HOXC5: variants seen among roughly 807,000 people sequenced by gnomAD.
The protein encoded by HOXC5 is homeobox protein Hox-C5.
HOXC5 carries 19 observed loss-of-function variants against 20.1 expected under a neutral mutation model. The ratio of observed to expected loss-of-function variants is 0.94; its 90% confidence interval spans 0.66 to 1.38. HOXC5 has a LOEUF of 1.38. Ranked by LOEUF, HOXC5 falls within the 40% of genes most tolerant of loss-of-function variation. HOXC5 has a pLI of 0.00. For synonymous variants in HOXC5, 124 were observed against 117.0 expected (o/e 1.06, Z -0.39); for missense variants, 330 against 300.1 (o/e 1.10, Z -0.74).
chr12:54,028,262 TATATA>T (rs1329695523), upstream of HOXC5: 474 of 73,504 alleles, frequency 6.4e-3, 5 homozygotes, highest in African/African-American at 0.019. Context: ...TATATATATA[TATATA>T]TTTTTTAAAA....
At chr12:54,030,845 G>C (rs190134994), upstream of HOXC5, 1 of 152,162 alleles carries the variant, frequency 6.6e-6, no homozygotes, top group Non-Finnish European at 1.5e-5. Flanking sequence ...CTGTTAATTC[G>C]CTCGCCCGCC....
At chr12:54,033,882 G>T in intron 1 of HOXC5, 1 of 490,394 alleles carries the variant, frequency 2.0e-6, no homozygotes, top group Non-Finnish European at 3.8e-6. Flanking sequence ...ATCCCCCCGC[G>T]GCTCCCTCCC....
At chr12:54,028,393 G>A, upstream of HOXC5, 1 of 1,038,198 alleles carries the variant, frequency 9.6e-7, no homozygotes, top group Non-Finnish European at 1.4e-6. Context: ...CTGGGAGGGG[G>A]TCAGCTGACT....
chr12:54,031,047 C>G (rs1313916855), upstream of HOXC5, among the ~76,000 whole-genome samples: 1 of 152,268 alleles, frequency 6.6e-6, no homozygotes, highest in South Asian at 2.1e-4. Flanking sequence ...CACACACACC[C>G]TGCGGGAAAA....
upstream of HOXC5, among the ~76,000 whole-genome samples, chr12:54,032,609 T>G (rs1187630801): frequency 6.6e-6 from 1 of 152,176 alleles, no homozygotes; most frequent in Non-Finnish European, 1.5e-5. Flanking sequence ...GGGCCTCGTC[T>G]TTTCCCAATT....
At position 54,033,478 on chromosome 12, in the gene HOXC5, A is replaced by G; in HGVS notation, c.356A>G (p.Lys119Arg). The change falls in exon 1 of 2, where the codon AAA becomes AGA. Residue 119 changes from lysine (K) to arginine (R), a missense_variant. Coordinates refer to ENST00000312492, the MANE Select transcript of HOXC5 (RefSeq NM_018953.4). ...EERAKSSGEIKEEQAQTGQPA... is the reference protein window; with the variant it reads ...EERAKSSGEIREEQAQTGQPA... The stretch of plus-strand genomic sequence containing the variant: ...CGAGCTAAGAGCAGTGGGGAGATCA[A>G]AGAGGAGCAGGCGCAGACAGGGCAG... 1 of 1,596,198 alleles carries G rather than the reference A, an allele frequency of 6.3e-7. No homozygotes were observed. The highest frequency in any genetic ancestry group is 1.1e-5 in the South Asian group (1 of 89,390).
chr12:54,033,244 G>A lies in HOXC5; in HGVS notation c.122G>A (p.Gly41Asp). The A allele has an allele frequency of 6.2e-7, 1 of 1,614,162 alleles. No individual in the cohort carries two copies. ...SEVQASRYCY[G>D]GLDLSITFPP... is the part of the protein sequence containing the mutation. ...GTGCAGGCATCCAGGTACTGCTACG[G>A]CGGATTGGACTTAAGCATCACTTTC... Residue 41 changes from glycine (G) to aspartate (D), a missense_variant, in exon 1 of 2, where the codon GGC becomes GAC. Gly to Asp is a moderately conservative substitution (Grantham distance 94). Coordinates refer to ENST00000312492, the MANE Select transcript of HOXC5 (RefSeq NM_018953.4).
upstream of HOXC5, among the ~76,000 whole-genome samples, chr12:54,031,634 C>T (rs891307661): frequency 2.6e-5 from 4 of 152,124 alleles, no homozygotes; most frequent in Non-Finnish European, 5.9e-5. Context: ...GGAGGGTCTC[C>T]GGAGGGAAAA....
Position 54,033,418 on chromosome 12 carries a change from A to G in HOXC5, c.296A>G (p.Tyr99Cys). ...GCGGCTCCTCTGAACCCCGGGATGT[A>G]CAGTCAGAAGGCGGCTCGCCCGGCG... ...DEAAPLNPGM[Y>C]SQKAARPALE... Residue 99 changes from tyrosine (Y) to cysteine (C), a missense_variant, in exon 1 of 2, where the codon TAC becomes TGC. Physicochemically the swap from Tyr to Cys is radical, Grantham distance 194. Coordinates refer to ENST00000312492, the MANE Select transcript of HOXC5 (RefSeq NM_018953.4). 6.2e-7 allele frequency: 1 copy of G among 1,609,392 alleles called. No individual in the cohort carries two copies. Among genetic ancestry groups the G allele is most frequent in the Non-Finnish European group, 8.5e-7 (1 of 1,178,346 alleles).
chr12:54,017,126 C>T, the HOXC5 span: 1 of 152,168 alleles, frequency 6.6e-6, no homozygotes, highest in African/African-American at 2.4e-5. Context: ...CTCTGGCCCC[C>T]AAGGGGCAGG....
chr12:54,033,961 C>T (rs868494747), intron 1 of HOXC5: 4 of 403,930 alleles, frequency 9.9e-6, no homozygotes, highest in Non-Finnish European at 1.5e-5. Flanking sequence ...TCGGGAGGGG[C>T]GGGAGGGGGG....
At chr12:54,028,803 T>C, upstream of HOXC5, 1 of 1,614,026 alleles carries the variant, frequency 6.2e-7, no homozygotes, top group South Asian at 1.1e-5. Flanking sequence ...CCTTAGGACA[T>C]AACACACAGA....
At chr12:54,025,492 G>T in the HOXC5 span, among the ~76,000 whole-genome samples, 1 of 142,502 alleles carries the variant, frequency 7.0e-6, no homozygotes, top group Non-Finnish European at 1.5e-5. Flanking sequence ...AGAGAAAGAA[G>T]AGGGCTTCTT....
chr12:54,022,227 G>C, the HOXC5 span: 3 of 152,112 alleles, frequency 2.0e-5, no homozygotes, highest in African/African-American at 7.2e-5. Flanking sequence ...AGGTTGTTGG[G>C]TTTTAAATCA....
chr12:54,027,450 A>G, the HOXC5 span, among the ~76,000 whole-genome samples: 1 of 152,176 alleles, frequency 6.6e-6, no homozygotes, highest in Non-Finnish European at 1.5e-5. Context: ...TTCTGGCTGG[A>G]TCCTATGTGA....
upstream of HOXC5, chr12:54,030,415 A>G (rs1940941593): frequency 6.5e-6 from 1 of 152,810 alleles, no homozygotes; most frequent in Non-Finnish European, 1.5e-5. Flanking sequence ...AGGCCCAAGG[A>G]GGGCGCGCCT....
rs745680847 is a variant in HOXC5 at position 54,034,380 on chromosome 12, T to C, written c.557T>C (p.Ile186Thr). Reference sequence around the variant, plus strand: ...CGCTACCTCACTCGCCGCAGGCGCATAGAGATCGCCAACAACTTGTGTCTC... The same window carrying C: ...CGCTACCTCACTCGCCGCAGGCGCACAGAGATCGCCAACAACTTGTGTCTC... ...FNRYLTRRRRIEIANNLCLNE... is the reference protein window; with the variant it reads ...FNRYLTRRRRTEIANNLCLNE... The change falls in exon 2 of 2, where the codon ATA becomes ACA. Residue 186 changes from isoleucine (I) to threonine (T), a missense_variant. Coordinates refer to ENST00000312492, the MANE Select transcript of HOXC5 (RefSeq NM_018953.4). 5.0e-6 allele frequency: 8 copies of C among 1,614,168 alleles called. No individual in the cohort carries two copies. Among genetic ancestry groups the C allele is most frequent in the South Asian group, 2.2e-5 (2 of 91,086 alleles).
upstream of HOXC5, chr12:54,030,226 G>A: frequency 2.9e-6 from 1 of 347,436 alleles, no homozygotes. Context: ...CCCCGTCCAG[G>A]CCTTGGGGGC....
At chr12:54,031,702 C>A (rs1940994499), upstream of HOXC5, among the ~76,000 whole-genome samples, 1 of 152,188 alleles carries the variant, frequency 6.6e-6, no homozygotes, top group South Asian at 2.1e-4. Context: ...ACCCTCGCCT[C>A]CAGTGCCTCC....
Sources: allele counts gnomAD v4.1 joint callset (sites outside exome capture counted in the v4.1 genomes callset), GRCh38; gene constraint gnomAD v4.1.1; transcripts MANE v1.5; gene names NCBI Gene and HGNC (gene_info 2026-07-23, HGNC 2026-07-21).